Variants in DENND2B observed in about 807,000 individuals in gnomAD.
DENND2B encodes the protein DENN domain-containing protein 2B.
A neutral mutation model predicts 116.0 loss-of-function variants in DENND2B; 32 were observed. That is an observed-to-expected ratio of 0.28 (90% CI 0.21 to 0.37). The LOEUF (loss-of-function observed/expected upper bound fraction) is 0.37, where lower values mean the gene tolerates loss of function less well. DENND2B is among the 10% of genes least tolerant of loss of function. The pLI, the probability that DENND2B is intolerant of heterozygous loss-of-function variation, is 1.00. For missense variants in DENND2B, 1,276 were observed against 1,477.7 expected (o/e 0.86, Z 2.24); for synonymous variants, 588 against 583.9 (o/e 1.01, Z -0.10).
chr11:8,817,308 G>C (rs148488863), intron 4 of DENND2B, among the ~76,000 whole-genome samples: 32 of 152,258 alleles, frequency 2.1e-4, no homozygotes, highest in Non-Finnish European at 3.4e-4. Flanking sequence ...CAAAACAAAT[G>C]TCTTCCTCAA....
intron 4 of DENND2B, among the ~76,000 whole-genome samples, chr11:8,721,371 C>A (rs1028649316): frequency 6.6e-6 from 1 of 152,120 alleles, no homozygotes; most frequent in Non-Finnish European, 1.5e-5. Context: ...CCAGCCCCAA[C>A]CTAACTGGAA....
At position 8,702,560 on chromosome 11, in the gene DENND2B, G is replaced by A; in HGVS notation, c.2720+12C>T. 1 of 1,610,284 alleles carries A rather than the reference G, an allele frequency of 6.2e-7. No individual in the cohort carries two copies. The highest frequency in any genetic ancestry group is 8.5e-7 in the Non-Finnish European group (1 of 1,179,952). On this transcript the variant is annotated intron_variant, in intron 14 of 19. Coordinates refer to ENST00000313726, the MANE Select transcript of DENND2B (RefSeq NM_213618.2). This position sits in a 1 kb window ranked among gnomAD's most constrained non-coding sequence, Gnocchi z 4.6. ...CCCCTCCCTTCTGCTTTCTTGCCCGGCTGGGCCCTACCTGAGCTTATCTGC... is the reference window on the plus strand; with the variant it reads ...CCCCTCCCTTCTGCTTTCTTGCCCGACTGGGCCCTACCTGAGCTTATCTGC...
intron 1 of DENND2B, among the ~76,000 whole-genome samples, chr11:8,778,546 G>A (rs1490627577): frequency 6.6e-6 from 1 of 152,208 alleles, no homozygotes; most frequent in Non-Finnish European, 1.5e-5. Flanking sequence ...CTTTAAGGCA[G>A]AAAAGGCAAG....
At chr11:8,718,975 C>A (rs1237088668) in intron 4 of DENND2B, 8 of 987,310 alleles carry the variant, frequency 8.1e-6, no homozygotes, top group Non-Finnish European at 7.2e-6. Flanking sequence ...GCCCTCTCTG[C>A]ACCCCTTTCC....
At chr11:8,696,807 G>A (rs185494212) in intron 17 of DENND2B, 141 bp from the exon 18 acceptor site, 18 of 1,342,630 alleles carry the variant, frequency 1.3e-5, no homozygotes, top group Middle Eastern at 2.7e-4. Context: ...TTTTGAGACC[G>A]AGTTTCACTC....
In DENND2B at chr11:8,730,470, T is replaced by C. The variant is rs1592841681; in HGVS notation, c.820A>G (p.Ser274Gly). Residue 274 changes from serine (S) to glycine (G), a missense_variant, in exon 3 of 20, where the codon AGC becomes GGC. Coordinates refer to ENST00000313726, the MANE Select transcript of DENND2B (RefSeq NM_213618.2). This position sits in a 1 kb window ranked among gnomAD's most constrained non-coding sequence, Gnocchi z 4.1. ...AGCACTGCTGAGCTCTCCTTCCTGC[T>C]GCCATGCCCCCTGAGGAAGGCGCTG... ...EPSAFLRGHGSRKESSAVLSR... is the reference protein window; with the variant it reads ...EPSAFLRGHGGRKESSAVLSR... 1 of 1,611,796 alleles carries C rather than the reference T, an allele frequency of 6.2e-7. No individual in the cohort carries two copies. Among genetic ancestry groups the C allele is most frequent in the East Asian group, 2.2e-5 (1 of 44,858 alleles).
chr11:8,896,572 A>G (rs1188995670), intron 1 of DENND2B, among the ~76,000 whole-genome samples: 2 of 152,208 alleles, frequency 1.3e-5, no homozygotes, highest in African/African-American at 2.4e-5. Flanking sequence ...ACTTATAAAG[A>G]TTTGACTTCG....
chr11:8,857,973 A>G lies in DENND2B; in HGVS notation c.-249-537T>C, dbSNP rs1229213513. ...TCCAAGAAATTTCTCTGAGCACTTC[A>G]GCCCACACTATTCTGTCCCCTCTGT... On this transcript the variant is annotated intron_variant, in intron 2 of 6. Transcript: ENST00000524757. 2.6e-5 allele frequency among the ~76,000 whole-genome samples: 4 copies of G among 152,238 alleles called. No homozygotes were observed. The South Asian group carries it at 8.3e-4, about 32-fold the overall frequency.
intron 2 of DENND2B, among the ~76,000 whole-genome samples, chr11:8,746,662 C>A (rs1194180828): frequency 6.6e-6 from 1 of 152,040 alleles, no homozygotes; most frequent in Non-Finnish European, 1.5e-5. Flanking sequence ...TCCAGATTGG[C>A]AGAAATGTAA....
At position 8,904,888 on chromosome 11, in the gene DENND2B, T is replaced by TA. The variant is rs572398440; in HGVS notation, c.-256+5932dup. On this transcript the variant is annotated intron_variant, in intron 1 of 22. Transcript: ENST00000534127. The stretch of plus-strand genomic sequence containing the variant: ...TACACTAATCACTACACAATATTAG[T>TA]AAAAAAAATAAAGAAAACTGAAATA... 4.0e-3 allele frequency among the ~76,000 whole-genome samples: 609 copies of TA among 151,902 alleles called. 2 individuals are homozygous for TA. The highest frequency in any genetic ancestry group is 4.0e-3 in the Non-Finnish European group (271 of 67,900).
At chr11:8,805,508 T>C (rs1425959466) in intron 1 of DENND2B, among the ~76,000 whole-genome samples, 1 of 152,152 alleles carries the variant, frequency 6.6e-6, no homozygotes, top group Non-Finnish European at 1.5e-5. Context: ...ACATACACCA[T>C]CCTTTGACAC....
intron 2 of DENND2B, among the ~76,000 whole-genome samples, chr11:8,733,437 C>CTCTG (rs1486485765): frequency 1.1e-4 from 17 of 152,222 alleles, no homozygotes; most frequent in African/African-American, 3.9e-4. Context: ...TGAGCACCTA[C>CTCTG]TCTGTGCTAG....
intron 3 of DENND2B, among the ~76,000 whole-genome samples, chr11:8,855,462 G>A (rs2063162331): frequency 6.6e-6 from 1 of 151,086 alleles, no homozygotes; most frequent in African/African-American, 2.4e-5. Context: ...CATCTAGAGA[G>A]GCTGCTCATC....
intron 1 of DENND2B, among the ~76,000 whole-genome samples, chr11:8,897,265 A>T (rs530489966): frequency 6.6e-6 from 1 of 152,138 alleles, no homozygotes; most frequent in African/African-American, 2.4e-5. Flanking sequence ...TCAAACAAAC[A>T]AACTAACTAA....
In DENND2B at chr11:8,907,688, T is replaced by A. The variant is rs529170632; in HGVS notation, c.-256+3133A>T. Among the ~76,000 whole-genome samples the A allele has an allele frequency of 1.3e-4, 20 of 152,252 alleles. No homozygotes were observed. The South Asian group carries it at 3.9e-3, about 30-fold the overall frequency. Reference sequence around the variant, plus strand: ...TTCATGTAGGTAGGTGTTTTTTTAATAGAAAAGCCAACTCTTTTTTTTCTT... The same window carrying A: ...TTCATGTAGGTAGGTGTTTTTTTAAAAGAAAAGCCAACTCTTTTTTTTCTT... On this transcript the variant is annotated intron_variant, in intron 1 of 22. Transcript: ENST00000534127.
At chr11:8,698,137 CAAAAAAAAAAAAA>C (rs33975736) in intron 16 of DENND2B, among the ~76,000 whole-genome samples, 28 of 39,824 alleles carry the variant, frequency 7.0e-4, no homozygotes, top group East Asian at 1.1e-3. Context: ...ACCCTGTCTC[CAAAAAAAAAAAAA>C]AAAAAAAAAA....
chr11:8,902,217 T>A (rs1260300975), intron 1 of DENND2B, among the ~76,000 whole-genome samples: 1 of 151,526 alleles, frequency 6.6e-6, no homozygotes, highest in Non-Finnish European at 1.5e-5. Context: ...TCCCAGCTAC[T>A]CAGGAGGCTG....
chr11:8,841,781 G>A (rs1388829365), intron 3 of DENND2B, among the ~76,000 whole-genome samples: 2 of 152,176 alleles, frequency 1.3e-5, no homozygotes, highest in Non-Finnish European at 2.9e-5. Context: ...TACATGACAT[G>A]GCACAAAATT....
chr11:8,831,219 A>G (rs951435092), intron 4 of DENND2B, among the ~76,000 whole-genome samples: 1 of 152,204 alleles, frequency 6.6e-6, no homozygotes, highest in African/African-American at 2.4e-5. Context: ...CCTGATAGGT[A>G]AGAATCACAT....
Sources: allele counts gnomAD v4.1 joint callset (sites outside exome capture counted in the v4.1 genomes callset), GRCh38; gene constraint gnomAD v4.1.1; non-coding constraint Gnocchi (gnomAD v3.1); transcripts MANE v1.5; gene names NCBI Gene and HGNC (gene_info 2026-07-23, HGNC 2026-07-21).